PNPLA7: variants seen among roughly 807,000 people sequenced by gnomAD.
The protein encoded by PNPLA7 is patatin like domain 7, lysophospholipase, also known as patatin-like phospholipase domain-containing protein 7.
Under a neutral mutation model 161.7 loss-of-function variants are expected in PNPLA7, and 153 were observed. That is an observed-to-expected ratio of 0.95 (90% CI 0.83 to 1.08). PNPLA7 has a LOEUF of 1.08. Among genes scored for constraint, PNPLA7 ranks in the 50% least tolerant of loss-of-function variants. PNPLA7 has a pLI of 0.00. For synonymous variants in PNPLA7, 809 were observed against 782.1 expected (o/e 1.03, Z -0.57); for missense variants, 1,739 against 1,856.6 (o/e 0.94, Z 1.16).
chr9:137,483,695 G>A (rs1007007639), intron 21 of PNPLA7, among the ~76,000 whole-genome samples: 10 of 151,922 alleles, frequency 6.6e-5, no homozygotes, highest in African/African-American at 2.4e-4. Flanking sequence ...GACCTCAAGT[G>A]ATCCACCCGC....
chr9:137,466,413 G>A (rs925524749), intron 26 of PNPLA7, among the ~76,000 whole-genome samples: 7 of 148,598 alleles, frequency 4.7e-5, no homozygotes, highest in South Asian at 2.2e-4. Context: ...TCTCAGACCC[G>A]GGCACGGATC....
At position 137,501,649 on chromosome 9, in the gene PNPLA7, C is replaced by G. The variant is rs1833427379; in HGVS notation, c.1551+1G>C. 6.2e-7 allele frequency: 1 copy of G among 1,611,928 alleles called. No homozygotes were observed. The highest frequency in any genetic ancestry group is 8.5e-7 in the Non-Finnish European group (1 of 1,179,656). On this transcript the variant is annotated splice_donor_variant, in intron 15 of 34. Coordinates refer to ENST00000406427, the MANE Select transcript of PNPLA7 (RefSeq NM_001098537.3). LOFTEE classifies it high-confidence loss of function. Reference sequence around the variant, plus strand: ...GTGCCCCCCCCCAGACCCCCGCTCACCTGGTCTCCCTGCCTTGACACCACC... The same window carrying G: ...GTGCCCCCCCCCAGACCCCCGCTCAGCTGGTCTCCCTGCCTTGACACCACC...
intron 28 of PNPLA7, among the ~76,000 whole-genome samples, chr9:137,463,837 A>G (rs1831336606): frequency 6.6e-6 from 1 of 151,838 alleles, no homozygotes; most frequent in East Asian, 1.9e-4. Flanking sequence ...TCACCCCAGG[A>G]CTCAGGGAGC....
At chr9:137,512,201 C>T (rs1234392784) in intron 12 of PNPLA7, among the ~76,000 whole-genome samples, 2 of 152,270 alleles carry the variant, frequency 1.3e-5, no homozygotes, top group Non-Finnish European at 2.9e-5. Context: ...CACGTGACTC[C>T]ATGACCCAGC....
Position 137,538,081 on chromosome 9 carries a change from G to A in PNPLA7, c.747+2561C>T, listed in dbSNP as rs890938956. On this transcript the variant is annotated intron_variant, in intron 8 of 34. Coordinates refer to ENST00000406427, the MANE Select transcript of PNPLA7 (RefSeq NM_001098537.3). ...CACTAACCAGAGGCTCCAAAGAGGT[G>A]CACAGAGGTGGATCTGGTGGCTGGG... Among the ~76,000 whole-genome samples the A allele has an allele frequency of 4.6e-5, 7 of 152,156 alleles. No individual in the cohort carries two copies. In the South Asian group the frequency reaches 1.0e-3, roughly 22 times the overall value.
rs890419297 is a variant in PNPLA7, at chr9:137,495,121, C to T, written c.2039G>A (p.Arg680Gln). The change falls in exon 19 of 35, where the codon CGG becomes CAG. Residue 680 changes from arginine to glutamine, a missense_variant. Arg to Gln is a conservative substitution (Grantham distance 43). This residue lies in a region of PNPLA7 where 192 missense variants were observed against 249.5 expected (regional missense o/e 0.77). Coordinates refer to ENST00000406427, the MANE Select transcript of PNPLA7 (RefSeq NM_001098537.3). ...GVVETLTHQARATTVHAVRDS... is the reference protein window; with the variant it reads ...GVVETLTHQAQATTVHAVRDS... ...CCGAACGGCATGCACCGTGGTCGCCCGGGCCTGGTGGGTCAGTGTCTCCAC... is the reference window on the plus strand; with the variant it reads ...CCGAACGGCATGCACCGTGGTCGCCTGGGCCTGGTGGGTCAGTGTCTCCAC... The T allele has an allele frequency of 2.1e-5, 34 of 1,605,292 alleles. No individual in the cohort carries two copies. Among genetic ancestry groups the T allele is most frequent in the Middle Eastern group, 1.6e-4 (1 of 6,080 alleles).
In PNPLA7 at chr9:137,491,161, A is replaced by G. The variant is rs554887295; in HGVS notation, c.2197+1852T>C. Among the ~76,000 whole-genome samples the G allele has an allele frequency of 7.8e-4, 118 of 150,590 alleles. 1 individual carries two copies. The highest frequency in any genetic ancestry group is 2.8e-3 in the African/African-American group (114 of 40,732). ...GTAGTCCCAGCTACTCAGGAGGCTGAGGGGGGGGGAATCACTTGACCCCAG... is the reference window on the plus strand; with the variant it reads ...GTAGTCCCAGCTACTCAGGAGGCTGGGGGGGGGGGAATCACTTGACCCCAG... On this transcript the variant is annotated intron_variant, in intron 20 of 34. Transcript: ENST00000406427.
chr9:137,501,701 C>T lies in PNPLA7; in HGVS notation c.1500G>A (p.Val500=). The T allele has an allele frequency of 6.2e-7, 1 of 1,612,680 alleles. No homozygotes were observed. Among genetic ancestry groups the T allele is most frequent in the Admixed American group, 1.7e-5 (1 of 60,012 alleles). ...TGCCTGCAGGAACGTGCAGAAGCGCCACCCGGCCATCCAACAGAGATGAGT... is the reference window on the plus strand; with the variant it reads ...TGCCTGCAGGAACGTGCAGAAGCGCTACCCGGCCATCCAACAGAGATGAGT... The part of the protein sequence containing the change: ...LEDSSLLDGR[V]ALLHVPAGTV... Residue 500 remains valine (V), a synonymous_variant, in exon 15 of 35, where the codon GTG becomes GTA. Coordinates refer to ENST00000406427, the MANE Select transcript of PNPLA7 (RefSeq NM_001098537.3).
Position 137,515,457 on chromosome 9 carries a change from C to A in PNPLA7, c.1147G>T (p.Ala383Ser). The A allele has an allele frequency of 6.3e-7, 1 of 1,591,820 alleles. No homozygotes were observed. Among genetic ancestry groups the A allele is most frequent in the Admixed American group, 1.8e-5 (1 of 56,348 alleles). The change falls in exon 12 of 35, where the codon GCG becomes TCG. Residue 383 changes from alanine (A) to serine (S), a missense_variant. This residue lies in a region of PNPLA7 where 481 missense variants were observed against 450.0 expected (regional missense o/e 1.07). Coordinates refer to ENST00000406427, the MANE Select transcript of PNPLA7 (RefSeq NM_001098537.3). ...PLLKRSHSVP[A>S]PSIRKQILEE... is the part of the protein sequence containing the mutation. ...AAGATCTGTTTGCGAATGGAAGGCGCGGGGACGGAGTGGCTCCTCTTCAGC... is the reference window on the plus strand; with the variant it reads ...AAGATCTGTTTGCGAATGGAAGGCGAGGGGACGGAGTGGCTCCTCTTCAGC...
chr9:137,462,444 G>A (rs898183476), intron 30 of PNPLA7, 113 bp from the exon 31 acceptor site: 3 of 1,485,660 alleles, frequency 2.0e-6, no homozygotes, highest in African/African-American at 1.4e-5. Context: ...GGTAGGTTCT[G>A]GGGGGAGAGG....
chr9:137,516,942 G>A lies in PNPLA7; in HGVS notation c.1085-1423C>T, dbSNP rs940031171. Among the ~76,000 whole-genome samples, 10 of 151,790 alleles carry A rather than the reference G, an allele frequency of 6.6e-5. 1 individual carries two copies. The highest frequency in any genetic ancestry group is 2.4e-4 in the African/African-American group (10 of 41,242). The stretch of plus-strand genomic sequence containing the variant: ...CTCATGGGGTCTCACAAGCACACAT[G>A]AGTGCAGGAGTAACACCACTCTGCT... On this transcript the variant is annotated intron_variant, in intron 11 of 34. Transcript: ENST00000406427.
At chr9:137,465,541 G>A (rs1831423234) in intron 26 of PNPLA7, among the ~76,000 whole-genome samples, 1 of 152,192 alleles carries the variant, frequency 6.6e-6, no homozygotes, top group Non-Finnish European at 1.5e-5. Context: ...CCCTGGGGCC[G>A]TCCTGCTGCA....
intron 4 of PNPLA7, 58 bp downstream of exon 4, chr9:137,546,772 C>T: frequency 6.4e-7 from 1 of 1,552,730 alleles, no homozygotes; most frequent in Non-Finnish European, 8.9e-7. Context: ...AGGGGTCCCT[C>T]CCACAGGGGC....
At chr9:137,534,803 C>A (rs1220022149) in intron 8 of PNPLA7, among the ~76,000 whole-genome samples, 1 of 152,160 alleles carries the variant, frequency 6.6e-6, no homozygotes, top group Non-Finnish European at 1.5e-5. Flanking sequence ...GATTACCTTA[C>A]GCCTCCCCGG....
chr9:137,524,719 T>C lies in PNPLA7; in HGVS notation c.748-1862A>G, dbSNP rs370045657. Among the ~76,000 whole-genome samples, 3 of 152,328 alleles carry C rather than the reference T, an allele frequency of 2.0e-5. No individual in the cohort carries two copies. Among genetic ancestry groups the C allele is most frequent in the East Asian group, 1.9e-4 (1 of 5,180 alleles). On this transcript the variant is annotated intron_variant, in intron 8 of 34. Transcript: ENST00000406427. This position sits in a 1 kb window ranked among gnomAD's most constrained non-coding sequence, Gnocchi z 4.4. Reference sequence around the variant, plus strand: ...TTCCATGGATGCCCTGTGTTTTGCATTCTCACCAGCAGCGAACGAGTTTCC... The same window carrying C: ...TTCCATGGATGCCCTGTGTTTTGCACTCTCACCAGCAGCGAACGAGTTTCC...
rs1836278518 is a variant in PNPLA7, at chr9:137,542,771, G to A, written c.537C>T (p.Phe179=). The change falls in exon 7 of 35, where the codon TTC becomes TTT. Residue 179 remains phenylalanine, a synonymous_variant. Coordinates refer to ENST00000406427, the MANE Select transcript of PNPLA7 (RefSeq NM_001098537.3). The stretch of plus-strand genomic sequence containing the variant: ...AGACGATGTGTTTGCAAAGCTCCAG[G>A]AACAGCGGCTTCTCAAAGTGGCCCA... ...RVLGHFEKPL[F]LELCKHIVFV... is the part of the protein sequence containing the mutation. 3.7e-6 allele frequency: 6 copies of A among 1,613,674 alleles called. No homozygotes were observed. The highest frequency in any genetic ancestry group is 5.1e-6 in the Non-Finnish European group (6 of 1,179,900).
chr9:137,482,462 T>G (rs73567258), intron 21 of PNPLA7, among the ~76,000 whole-genome samples: 23 of 152,274 alleles, frequency 1.5e-4, no homozygotes, highest in African/African-American at 5.1e-4. Context: ...CGTGACTGAG[T>G]GGGAGAAGGC....
chr9:137,468,686 A>G lies in PNPLA7; in HGVS notation c.2883-1213T>C, dbSNP rs1378218419. ...GAGGTGGGAAGACGTCAAAGGCTAC[A>G]CTGAGCTGACGTCACACCACTGCAC... On this transcript the variant is annotated intron_variant, in intron 25 of 34. Transcript: ENST00000406427. This position sits in a 1 kb window ranked among gnomAD's most constrained non-coding sequence, Gnocchi z 4.0. Among the ~76,000 whole-genome samples, 1 of 152,044 alleles carries G rather than the reference A, an allele frequency of 6.6e-6. No homozygotes were observed. The highest frequency in any genetic ancestry group is 1.9e-4 in the East Asian group (1 of 5,196).
In PNPLA7 at chr9:137,460,019, A is replaced by G. The variant is rs1401010952; in HGVS notation, c.*374T>C. ...TCAGGGCTCCCACACCTCACAGGGC[A>G]GCAGGCAGTTCACAGGACAGCAGGC... On this transcript the variant is annotated 3_prime_UTR_variant, in exon 35 of 35. Coordinates refer to ENST00000406427, the MANE Select transcript of PNPLA7 (RefSeq NM_001098537.3). The G allele has an allele frequency of 8.7e-6, 2 of 229,026 alleles. No individual in the cohort carries two copies. Among genetic ancestry groups the G allele is most frequent in the African/African-American group, 4.6e-5 (2 of 43,952 alleles). The allele number at this position is 229,026 out of a possible 1,614,324, so 14.2% of individuals were successfully genotyped here.
Sources: allele counts gnomAD v4.1 joint callset (sites outside exome capture counted in the v4.1 genomes callset), GRCh38; gene constraint gnomAD v4.1.1; regional missense constraint gnomAD v4.1.1; non-coding constraint Gnocchi (gnomAD v3.1); transcripts MANE v1.5; gene names NCBI Gene and HGNC (gene_info 2026-07-23, HGNC 2026-07-21).